Variants in SPIDR observed in about 807,000 individuals in gnomAD.
The protein encoded by SPIDR is DNA repair-scaffolding protein.
SPIDR carries 93 observed loss-of-function variants against 104.6 expected under a neutral mutation model. That is an observed-to-expected ratio of 0.89 (90% CI 0.75 to 1.06). The LOEUF is 1.06. Ranked by LOEUF, SPIDR falls within the 50% of genes least tolerant of loss-of-function variation. The probability of loss-of-function intolerance (pLI) is 0.00; values close to 1 mark genes in which losing one functional copy is unlikely to be tolerated. For synonymous variants in SPIDR, 431 were observed against 416.9 expected (o/e 1.03, Z -0.41); for missense variants, 1,154 against 1,111.2 (o/e 1.04, Z -0.55).
At chr8:47,649,803 A>G (rs376112398) in intron 10 of SPIDR, among the ~76,000 whole-genome samples, 45 of 152,354 alleles carry the variant, frequency 3.0e-4, no homozygotes, top group African/African-American at 1.1e-3. Context: ...ATGGTTTAAC[A>G]TATACAGGTC....
At chr8:47,608,131 C>A (rs1320000866) in intron 10 of SPIDR, among the ~76,000 whole-genome samples, 2 of 152,204 alleles carry the variant, frequency 1.3e-5, no homozygotes, top group African/African-American at 2.4e-5. Context: ...CAGCCCCTGG[C>A]AACCACTCAT....
chr8:47,440,647 C>A, intron 8 of SPIDR, 105 bp downstream of exon 8: 5 of 1,152,438 alleles, frequency 4.3e-6, no homozygotes, highest in Non-Finnish European at 6.0e-6. Flanking sequence ...TAGAGCAATG[C>A]GAGAGGAAGA....
intron 10 of SPIDR, among the ~76,000 whole-genome samples, chr8:47,643,316 TC>T (rs2069541663): frequency 6.6e-6 from 1 of 152,216 alleles, no homozygotes; most frequent in Non-Finnish European, 1.5e-5. Flanking sequence ...TTGCCATACT[TC>T]TATAACTGCA....
intron 10 of SPIDR, among the ~76,000 whole-genome samples, chr8:47,645,486 A>T (rs1192694077): frequency 6.6e-6 from 1 of 152,120 alleles, no homozygotes; most frequent in Non-Finnish European, 1.5e-5. Flanking sequence ...CAAATTGGAT[A>T]TGCGCTTACC....
intron 7 of SPIDR, among the ~76,000 whole-genome samples, chr8:47,438,228 C>T (rs2068724896): frequency 6.6e-6 from 1 of 152,184 alleles, no homozygotes; most frequent in Admixed American, 6.5e-5. Flanking sequence ...GGCCATGGAG[C>T]CCTGACAGCT....
intron 1 of SPIDR, 88 bp from the exon 2 acceptor site, chr8:47,279,774 A>C: frequency 7.5e-7 from 1 of 1,339,118 alleles, no homozygotes; most frequent in Non-Finnish European, 1.0e-6. Flanking sequence ...CTAGGTTTTC[A>C]GATTGTAAAT....
chr8:47,616,333 CCTT>C (rs2064309830), intron 10 of SPIDR, among the ~76,000 whole-genome samples: 1 of 152,114 alleles, frequency 6.6e-6, no homozygotes, highest in African/African-American at 2.4e-5. Flanking sequence ...TGAGGAAGTT[CCTT>C]CTTTTCCTGC....
chr8:47,511,405 T>A (rs2082300540), intron 8 of SPIDR: 1 of 847,798 alleles, frequency 1.2e-6, no homozygotes, highest in African/African-American at 1.7e-5. Flanking sequence ...GAAGGCTTAT[T>A]TGGACTTCAT....
chr8:47,303,035 C>A (rs2042452712), intron 5 of SPIDR, among the ~76,000 whole-genome samples: 2 of 152,200 alleles, frequency 1.3e-5, no homozygotes, highest in Non-Finnish European at 2.9e-5. Context: ...TTATGCCCTG[C>A]CCCCAGAGGT....
chr8:47,630,256 A>G (rs1202714997), intron 10 of SPIDR, among the ~76,000 whole-genome samples: 1 of 152,234 alleles, frequency 6.6e-6, no homozygotes, highest in African/African-American at 2.4e-5. Flanking sequence ...GGGAAAATAG[A>G]AGAGCCTCAG....
At chr8:47,656,706 A>G (rs2154460035) in intron 10 of SPIDR, among the ~76,000 whole-genome samples, 1 of 152,344 alleles carries the variant, frequency 6.6e-6, no homozygotes, top group Non-Finnish European at 1.5e-5. Context: ...TAACTTCTAC[A>G]GAGTCACTCC....
Position 47,440,515 on chromosome 8 carries a change from A to G in SPIDR, c.1070A>G (p.Gln357Arg). The change falls in exon 8 of 20, where the codon CAG (glutamine) becomes CGG (arginine). Residue 357 changes from glutamine (Q) to arginine (R), a missense_variant. By Grantham distance (43) the Gln-to-Arg change is conservative. Coordinates refer to ENST00000297423, the MANE Select transcript of SPIDR (RefSeq NM_001080394.4). The stretch of plus-strand genomic sequence containing the variant: ...GCAGGCTACCTCAGGGGCCGTCCCC[A>G]GGACACTGTCCGGATCTTCCCTCCC... ...ETAGYLRGRP[Q>R]DTVRIFPPWQ... 4.3e-6 allele frequency: 7 copies of G among 1,614,198 alleles called. No homozygotes were observed. The highest frequency in any genetic ancestry group is 5.9e-6 in the Non-Finnish European group (7 of 1,180,010).
chr8:47,592,541 A>G, intron 8 of SPIDR: 1 of 1,351,538 alleles, frequency 7.4e-7, no homozygotes, highest in Non-Finnish European at 1.1e-6. Context: ...TTCTGCTTTG[A>G]TGCCAGGAAC....
intron 8 of SPIDR, among the ~76,000 whole-genome samples, chr8:47,452,021 C>T (rs1276496160): frequency 6.6e-6 from 1 of 152,082 alleles, no homozygotes; most frequent in East Asian, 1.9e-4. Context: ...AATAACATAA[C>T]TCCTCAAATT....
intron 8 of SPIDR, among the ~76,000 whole-genome samples, chr8:47,546,344 T>C (rs950089538): frequency 1.3e-5 from 2 of 152,164 alleles, no homozygotes; most frequent in Non-Finnish European, 2.9e-5. Flanking sequence ...TAGTTTGTAT[T>C]TTTTCAAGGA....
chr8:47,504,863 A>T (rs1224869997), intron 8 of SPIDR, among the ~76,000 whole-genome samples: 3 of 152,178 alleles, frequency 2.0e-5, no homozygotes, highest in Non-Finnish European at 4.4e-5. Flanking sequence ...CAGGACCCTC[A>T]GCTGCAGGTC....
chr8:47,639,685 C>T (rs1422252296), intron 10 of SPIDR, among the ~76,000 whole-genome samples: 1 of 152,134 alleles, frequency 6.6e-6, no homozygotes, highest in Non-Finnish European at 1.5e-5. Context: ...CAGTGGCTCG[C>T]GCCTGTTATC....
At chr8:47,562,525 A>C (rs924569469) in intron 8 of SPIDR, among the ~76,000 whole-genome samples, 9 of 152,180 alleles carry the variant, frequency 5.9e-5, no homozygotes, top group Non-Finnish European at 1.2e-4. Flanking sequence ...TGGTAGGACC[A>C]AACACACAGG....
At chr8:47,578,908 G>A (rs1232927169) in intron 8 of SPIDR, among the ~76,000 whole-genome samples, 1 of 152,132 alleles carries the variant, frequency 6.6e-6, no homozygotes, top group Non-Finnish European at 1.5e-5. Flanking sequence ...GACTTGGGTA[G>A]GAAGGTAGAG....
Sources: gnomAD v4.1 joint callset for allele counts (sites outside exome capture counted in the v4.1 genomes callset) on GRCh38, gnomAD v4.1.1 for gene constraint, MANE v1.5 for transcripts, NCBI Gene and HGNC (gene_info 2026-07-23, HGNC 2026-07-21) for gene names.